ESPN: variants seen among roughly 807,000 people sequenced by gnomAD.
The protein encoded by ESPN is espin.
In ESPN, 68 loss-of-function variants were observed where a neutral mutation model predicts 77.7. The observed-to-expected ratio is 0.87, with a 90% confidence interval of 0.72 to 1.07. The LOEUF (loss-of-function observed/expected upper bound fraction) is 1.07. Ranked by LOEUF, ESPN falls within the 50% of genes least tolerant of loss-of-function variation. The pLI, the probability that ESPN is intolerant of heterozygous loss-of-function variation, is 0.00. For missense variants in ESPN, 1,060 were observed against 1,239.0 expected (o/e 0.86, Z 2.17); for synonymous variants, 449 against 567.1 (o/e 0.79, Z 2.96).
At position 6,451,394 on chromosome 1, in the gene ESPN, G is replaced by A; in HGVS notation, c.1916-209G>A. ...CCGTGAGTAGGGTGGGGAAGATGGT[G>A]GGGTTGCCACAGTCAGGGAACCAAG... On this transcript the variant is annotated intron_variant, in intron 8 of 12. Coordinates refer to ENST00000645284, the MANE Select transcript of ESPN (RefSeq NM_031475.3). This position sits in a 1 kb window ranked among gnomAD's most constrained non-coding sequence, Gnocchi z 4.3. 1 of 645,420 alleles carries A rather than the reference G, an allele frequency of 1.5e-6. No individual in the cohort carries two copies. Among genetic ancestry groups the A allele is most frequent in the Non-Finnish European group, 2.7e-6 (1 of 371,134 alleles). The allele number at this position is 645,420 out of a possible 1,614,324, so 40.0% of individuals were successfully genotyped here.
At chr1:6,446,603 T>C (rs1643849319) in intron 7 of ESPN, among the ~76,000 whole-genome samples, 1 of 152,108 alleles carries the variant, frequency 6.6e-6, no homozygotes, top group Non-Finnish European at 1.5e-5. Context: ...TGCAGGCCCC[T>C]GGCTGAGGCT....
At chr1:6,446,171 C>G (rs113616004) in intron 7 of ESPN, among the ~76,000 whole-genome samples, 16 of 152,280 alleles carry the variant, frequency 1.1e-4, no homozygotes, top group African/African-American at 3.8e-4. Flanking sequence ...GTGAAGGACG[C>G]AGGTCCAGAC....
In ESPN at chr1:6,424,940, C is replaced by A; in HGVS notation, c.-16C>A. 1 of 1,439,236 alleles carries A rather than the reference C, an allele frequency of 6.9e-7. No individual in the cohort carries two copies. The allele number at this position is 1,439,236 out of a possible 1,614,324, so 89.2% of individuals were successfully genotyped here. A position where few individuals can be genotyped will look rare whatever the true frequency, so the allele number is the denominator to read the frequency against. ...GAAGGCGCTGAGTGCGGAGTCGCGG[C>A]GCCGCACGCGGCACCATGGCCCTGG... On this transcript the variant is annotated 5_prime_UTR_variant, in exon 1 of 13. Coordinates refer to ENST00000645284, the MANE Select transcript of ESPN (RefSeq NM_031475.3).
intron 2 of ESPN, among the ~76,000 whole-genome samples, chr1:6,432,729 GCT>G (rs1235691927): frequency 6.6e-6 from 1 of 152,230 alleles, no homozygotes; most frequent in Admixed American, 6.5e-5. Flanking sequence ...GAGCAGCCAG[GCT>G]CTGTGAGGCT....
chr1:6,455,416 C>T, intron 10 of ESPN: 1 of 392,624 alleles, frequency 2.5e-6, no homozygotes, highest in Non-Finnish European at 4.5e-6. Flanking sequence ...GCCACGGACG[C>T]CCCCCGGCTG....
At chr1:6,459,864 G>C in intron 12 of ESPN, 135 bp from the exon 13 acceptor site, 1 of 1,037,388 alleles carries the variant, frequency 9.6e-7, no homozygotes, top group East Asian at 2.6e-5. Flanking sequence ...TTCAGCAACC[G>C]AGCCCCAGCC....
At chr1:6,430,218 G>A (rs1457999161) in intron 2 of ESPN, among the ~76,000 whole-genome samples, 1 of 152,226 alleles carries the variant, frequency 6.6e-6, no homozygotes, top group East Asian at 1.9e-4. Context: ...TCTGGGGCCT[G>A]CTGTGAATCG....
chr1:6,445,703 T>G lies in ESPN; in HGVS notation c.1232T>G (p.Met411Arg), dbSNP rs765291774. The G allele has an allele frequency of 1.9e-6, 3 of 1,612,478 alleles. No individual in the cohort carries two copies. The South Asian group carries it at 3.3e-5, about 18-fold the overall frequency. ...AGAGCTGCAGACATACAGAGCTACA[T>G]GGACATGCTGAACCCGGAGCTGGGC... ...SARAADIQSY[M>R]DMLNPELGLP... Residue 411 changes from methionine (M) to arginine (R), a missense_variant, in exon 7 of 13, where the codon ATG (methionine) becomes AGG (arginine). Around this residue, in one of 3 missense-constraint regions of ESPN, gnomAD observed 556 missense variants for 633.6 expected, o/e 0.88. Coordinates refer to ENST00000645284, the MANE Select transcript of ESPN (RefSeq NM_031475.3).
rs754493582 is a variant in ESPN, at chr1:6,425,026, C to G, written c.71C>G (p.Ala24Gly). The G allele has an allele frequency of 6.8e-7, 1 of 1,471,212 alleles. No individual in the cohort carries two copies. The highest frequency in any genetic ancestry group is 1.3e-5 in the South Asian group (1 of 77,682). 91.1% of individuals were successfully genotyped at this position (1,471,212 alleles called of 1,614,324 possible). A position where few individuals can be genotyped will look rare whatever the true frequency, so the allele number is the denominator to read the frequency against. ...GACGTGCTGAGGTCGCTGCACGCCG[C>G]AGGCCTCCTGGGGCCCTCGCTGCGC... ...ELDVLRSLHA[A>G]GLLGPSLRDP... The change falls in exon 1 of 13, where the codon GCA becomes GGA. Residue 24 changes from alanine (A) to glycine (G), a missense_variant. By Grantham distance (60) the Ala-to-Gly change is moderately conservative. This residue lies in a region of ESPN where 556 missense variants were observed against 633.6 expected (regional missense o/e 0.88). Transcript: ENST00000645284.
In ESPN at chr1:6,441,043, A is replaced by G. The variant is rs3817910; in HGVS notation, c.968A>G (p.Tyr323Cys). 12 of 1,611,380 alleles carry G rather than the reference A, an allele frequency of 7.4e-6. No homozygotes were observed. The highest frequency in any genetic ancestry group is 5.5e-5 in the South Asian group (5 of 90,752). The change falls in exon 5 of 13, where the codon TAC (tyrosine) becomes TGC (cysteine). Residue 323 changes from tyrosine (Y) to cysteine (C), a missense_variant. Around this residue, in one of 3 missense-constraint regions of ESPN, gnomAD observed 556 missense variants for 633.6 expected, o/e 0.88. Transcript: ENST00000645284. ...AACGGCCACAGCCACTGCACCCGCT[A>G]CCTGCGCACGGTGGAGAACCTGGTA... ...DFNGHSHCTR[Y>C]LRTVENLSVE...
chr1:6,451,866 C>T lies in ESPN; in HGVS notation c.2095C>T (p.Leu699=). 1 of 1,611,892 alleles carries T rather than the reference C, an allele frequency of 6.2e-7. No individual in the cohort carries two copies. ...GCCGCTGCCTTCTGTGTCACCTGCA[C>T]TGTCACCAGTCCGGAGCCCCACACC... ...DSPLPSVSPA[L]SPVRSPTPPA... Residue 699 remains leucine, a synonymous_variant, in exon 10 of 13, where the codon CTG becomes TTG. Coordinates refer to ENST00000645284, the MANE Select transcript of ESPN (RefSeq NM_031475.3). This position sits in a 1 kb window ranked among gnomAD's most constrained non-coding sequence, Gnocchi z 4.3.
At chr1:6,429,391 C>A (rs1261387200) in intron 2 of ESPN, among the ~76,000 whole-genome samples, 1 of 152,078 alleles carries the variant, frequency 6.6e-6, no homozygotes, top group African/African-American at 2.4e-5. Flanking sequence ...ACTAGGAGGG[C>A]CCCAGGGACC....
chr1:6,448,948 C>T lies in ESPN; in HGVS notation c.1772C>T (p.Ala591Val), dbSNP rs998368619. Residue 591 changes from alanine to valine, a missense_variant, in exon 8 of 13, where the codon GCG becomes GTG. Transcript: ENST00000645284. Reference protein sequence around the residue: ...VPNGCAADPKASRELPPPPPP... With the variant: ...VPNGCAADPKVSRELPPPPPP... ...AACGGCTGCGCCGCGGACCCCAAGG[C>T]GTCCAGGGAGCTGCCACCGCCGCCC... 45 of 1,411,180 alleles carry T rather than the reference C, an allele frequency of 3.2e-5. No individual in the cohort carries two copies. The highest frequency in any genetic ancestry group is 2.6e-4 in the African/African-American group (17 of 66,222). 87.4% of individuals were successfully genotyped at this position (1,411,180 alleles called of 1,614,324 possible).
rs1463076392 is a variant in ESPN at position 6,445,752 on chromosome 1, G to A, written c.1281G>A (p.Lys427=). The A allele has an allele frequency of 1.9e-6, 3 of 1,593,276 alleles. No homozygotes were observed. The highest frequency in any genetic ancestry group is 1.1e-5 in the South Asian group (1 of 89,190). ...GCCTGCCTCGGGGCACGATTGGGAA[G>A]CCCACACCCCCACCACCCCCACCCA... ...ELGLPRGTIG[K]PTPPPPPPSF... The change falls in exon 7 of 13, where the codon AAG becomes AAA. Residue 427 remains lysine (K), a synonymous_variant. Transcript: ENST00000645284.
intron 8 of ESPN, 44 bp downstream of exon 8, chr1:6,449,135 G>T: frequency 1.4e-6 from 2 of 1,431,196 alleles, no homozygotes; most frequent in Admixed American, 2.7e-5. Context: ...CGCTAGCCCT[G>T]AAAGGGGAGG....
chr1:6,459,203 T>C (rs1644109995), intron 12 of ESPN, among the ~76,000 whole-genome samples: 1 of 151,534 alleles, frequency 6.6e-6, no homozygotes, highest in Non-Finnish European at 1.5e-5. Context: ...ATCGTGCCAC[T>C]GCACTCCAGC....
At chr1:6,444,880 C>T (rs1643770839) in intron 6 of ESPN, among the ~76,000 whole-genome samples, 198 bp downstream of exon 6, 1 of 152,196 alleles carries the variant, frequency 6.6e-6, no homozygotes, top group South Asian at 2.1e-4. Context: ...TTATCACAAA[C>T]ATACATGTAC....
chr1:6,454,966 G>A (rs1644023625), intron 10 of ESPN: 3 of 381,544 alleles, frequency 7.9e-6, no homozygotes, highest in Non-Finnish European at 1.4e-5. Flanking sequence ...CAGCATCTCC[G>A]CGCCACCTAC....
In ESPN at chr1:6,445,951, C is replaced by A. The variant is rs534932975; in HGVS notation, c.1464+16C>A. On this transcript the variant is annotated intron_variant, in intron 7 of 12. Coordinates refer to ENST00000645284, the MANE Select transcript of ESPN (RefSeq NM_031475.3). ...CAAGAAGGAGGTAGTGAGCCCTCAC[C>A]CCCTGCCTGCCTCCCAGCAGGGGGA... 2,669 of 1,612,194 alleles carry A rather than the reference C, an allele frequency of 1.7e-3. 40 individuals carry two copies. In the African/African-American group the frequency reaches 0.032, roughly 20 times the overall value.
Sources: gnomAD v4.1 joint callset for allele counts (sites outside exome capture counted in the v4.1 genomes callset) on GRCh38, gnomAD v4.1.1 for gene constraint, gnomAD v4.1.1 regional missense constraint, Gnocchi (gnomAD v3.1) non-coding constraint, MANE v1.5 for transcripts, NCBI Gene and HGNC (gene_info 2026-07-23, HGNC 2026-07-21) for gene names.